The following EIF2AK3 variants were observed in gnomAD, a reference collection of about 807,000 sequenced individuals.
The protein encoded by EIF2AK3 is eukaryotic translation initiation factor 2-alpha kinase 3.
In EIF2AK3, 50 loss-of-function variants were observed where a neutral mutation model predicts 113.5. The observed-to-expected ratio is 0.44, with a 90% CI of 0.35 to 0.56. The LOEUF (loss-of-function observed/expected upper bound fraction) is 0.56. Ranked by LOEUF, EIF2AK3 falls within the 20% of genes least tolerant of loss-of-function variation. The pLI is 0.00. For synonymous variants in EIF2AK3, 448 were observed against 495.4 expected (o/e 0.90, Z 1.27); for missense variants, 1,185 against 1,378.0 (o/e 0.86, Z 2.22).
intron 1 of EIF2AK3, among the ~76,000 whole-genome samples, chr2:88,622,068 T>C (rs1675738131): frequency 6.6e-6 from 1 of 152,056 alleles, no homozygotes; most frequent in African/African-American, 2.4e-5. Context: ...GGCTAATTTT[T>C]GTATTTTTAG....
At chr2:88,616,002 T>C (rs939624965) in intron 1 of EIF2AK3, among the ~76,000 whole-genome samples, 1 of 151,948 alleles carries the variant, frequency 6.6e-6, no homozygotes, top group African/African-American at 2.4e-5. Context: ...ACACTCTATA[T>C]GGCTTCCAGG....
At chr2:88,594,425 G>A (rs1170168373) in intron 3 of EIF2AK3, among the ~76,000 whole-genome samples, 1 of 152,132 alleles carries the variant, frequency 6.6e-6, no homozygotes, top group Non-Finnish European at 1.5e-5. Flanking sequence ...TCGAACTCCT[G>A]GCCTCAAGTG....
rs147543731 is a variant in EIF2AK3, at chr2:88,627,398, C to G, written c.-124G>C. The G allele has an allele frequency of 2.0e-5, 24 of 1,214,686 alleles. No homozygotes were observed. In the African/African-American group the frequency reaches 3.3e-4, roughly 17 times the overall value. The allele number at this position is 1,214,686 out of a possible 1,614,324, so 75.2% of individuals were successfully genotyped here. A position where few individuals can be genotyped will look rare whatever the true frequency, so the allele number is the denominator to read the frequency against. On this transcript the variant is annotated 5_prime_UTR_variant, in exon 1 of 17. Transcript: ENST00000303236. ...CCTACTGCCGCCCCGACGGCCTGGA[C>G]AGCCAGCCGTGTTCCCCTGGCCACG...
intron 14 of EIF2AK3, among the ~76,000 whole-genome samples, chr2:88,568,062 G>A (rs932888313): frequency 6.6e-6 from 1 of 151,922 alleles, no homozygotes; most frequent in Non-Finnish European, 1.5e-5. Flanking sequence ...CTTCAAAGAC[G>A]AAATACAAAA....
chr2:88,627,693 T>C (rs994333955), upstream of EIF2AK3: 3 of 169,460 alleles, frequency 1.8e-5, no homozygotes, highest in African/African-American at 7.1e-5. Context: ...TTTTACCTGA[T>C]TGGTGCGCTC....
chr2:88,574,542 CCTCTGCT>C, intron 13 of EIF2AK3, 117 bp downstream of exon 13: 1 of 1,239,888 alleles, frequency 8.1e-7, no homozygotes, highest in South Asian at 1.3e-5. Flanking sequence ...CTTTCTCAGA[CCTCTGCT>C]CTCAGATGCT....
chr2:88,600,895 ACT>A (rs200207889), intron 2 of EIF2AK3, among the ~76,000 whole-genome samples: 2,413 of 152,216 alleles, frequency 0.016, 36 homozygotes, highest in Non-Finnish European at 0.019. Flanking sequence ...TCCCCAACTG[ACT>A]CACACACTTT....
At chr2:88,605,155 G>C (rs1416572727) in intron 2 of EIF2AK3, among the ~76,000 whole-genome samples, 1 of 152,140 alleles carries the variant, frequency 6.6e-6, no homozygotes, top group South Asian at 2.1e-4. Context: ...AAGGTAATTT[G>C]TATGTGTTTA....
At chr2:88,564,828 G>T (rs944656508) in intron 14 of EIF2AK3, among the ~76,000 whole-genome samples, 40 of 152,300 alleles carry the variant, frequency 2.6e-4, no homozygotes, top group African/African-American at 9.6e-4. Flanking sequence ...AAAGAAACCA[G>T]TGTAATGGGA....
intron 1 of EIF2AK3, among the ~76,000 whole-genome samples, chr2:88,619,000 CTTTT>C: frequency 7.1e-6 from 1 of 140,654 alleles, no homozygotes; most frequent in African/African-American, 2.6e-5. Context: ...ATCTATCATT[CTTTT>C]TTTTTTTTTT....
intron 11 of EIF2AK3, among the ~76,000 whole-genome samples, chr2:88,577,872 C>A (rs1420129457): frequency 6.6e-6 from 1 of 152,216 alleles, no homozygotes; most frequent in Admixed American, 6.5e-5. Flanking sequence ...GCACCCAGAG[C>A]AAATGCCGCC....
chr2:88,565,448 C>CT (rs1674089685), intron 14 of EIF2AK3, among the ~76,000 whole-genome samples: 1 of 151,812 alleles, frequency 6.6e-6, no homozygotes, highest in African/African-American at 2.4e-5. Context: ...TCAAGCGATC[C>CT]TTTCTACTTC....
chr2:88,583,298 AATTT>A (rs962107635), intron 10 of EIF2AK3, 128 bp downstream of exon 10: 7 of 673,960 alleles, frequency 1.0e-5, no homozygotes, highest in East Asian at 5.3e-5. Context: ...AAGTTACCTG[AATTT>A]ATTTATTTAT....
In EIF2AK3 at chr2:88,557,584, C is replaced by T; in HGVS notation, c.*152G>A. 2 of 824,568 alleles carry T rather than the reference C, an allele frequency of 2.4e-6. No individual in the cohort carries two copies. Among genetic ancestry groups the T allele is most frequent in the Non-Finnish European group, 2.0e-6 (1 of 493,250 alleles). The allele number at this position is 824,568 out of a possible 1,614,324, so 51.1% of individuals were successfully genotyped here. ...AGTTGGCTCAAATTAGGTTATGCCC[C>T]CAAATCCAGCTTAAATTTGATATAA... On this transcript the variant is annotated 3_prime_UTR_variant, in exon 17 of 17. Transcript: ENST00000303236.
At chr2:88,607,353 A>G (rs183230617) in intron 2 of EIF2AK3, among the ~76,000 whole-genome samples, 2 of 152,362 alleles carry the variant, frequency 1.3e-5, no homozygotes, top group East Asian at 1.9e-4. Flanking sequence ...TTAAAAACAA[A>G]ATTCTTAGCT....
intron 2 of EIF2AK3, among the ~76,000 whole-genome samples, chr2:88,600,720 T>C (rs1297185003): frequency 1.3e-5 from 2 of 152,150 alleles, no homozygotes; most frequent in African/African-American, 4.8e-5. Flanking sequence ...AATGTGAAAA[T>C]AACTTTAATT....
intron 14 of EIF2AK3, among the ~76,000 whole-genome samples, chr2:88,567,027 C>T (rs1674147770): frequency 6.6e-6 from 1 of 152,152 alleles, no homozygotes; most frequent in African/African-American, 2.4e-5. Flanking sequence ...TCAATTTATA[C>T]ACCACTATAC....
intron 1 of EIF2AK3, among the ~76,000 whole-genome samples, chr2:88,620,091 C>T (rs1322799417): frequency 2.0e-5 from 3 of 152,124 alleles, no homozygotes; most frequent in Non-Finnish European, 2.9e-5. Context: ...CCCCTCTCTT[C>T]TTCCCACAGT....
At chr2:88,560,745 G>GGTTTTTTTTTTT (rs1168494503) in intron 15 of EIF2AK3, among the ~76,000 whole-genome samples, 1 of 130,996 alleles carries the variant, frequency 7.6e-6, no homozygotes. Flanking sequence ...TATTTTGACT[G>GGTTTTTTTTTTT]TTTTTTTTTT....
Sources: gnomAD v4.1 joint callset for allele counts (sites outside exome capture counted in the v4.1 genomes callset) on GRCh38, gnomAD v4.1.1 for gene constraint, MANE v1.5 for transcripts, NCBI Gene and HGNC (gene_info 2026-07-23, HGNC 2026-07-21) for gene names.